Variants in CRIM1 observed in about 807,000 individuals in gnomAD.
CRIM1 encodes the protein cysteine rich transmembrane BMP regulator 1.
CRIM1 carries 32 observed loss-of-function variants against 116.4 expected under a neutral mutation model. The ratio of observed to expected loss-of-function variants is 0.27; its 90% CI spans 0.21 to 0.37. The LOEUF is 0.37. CRIM1 is among the 10% of genes least tolerant of loss of function. The probability of loss-of-function intolerance (pLI) is 1.00; values close to 1 mark genes in which losing one functional copy is unlikely to be tolerated. For synonymous variants in CRIM1, 590 were observed against 509.2 expected (o/e 1.16, Z -2.13); for missense variants, 1,331 against 1,354.8 (o/e 0.98, Z 0.28).
chr2:36,520,745 A>C (rs1339652505), intron 12 of CRIM1, among the ~76,000 whole-genome samples: 1 of 152,188 alleles, frequency 6.6e-6, no homozygotes, highest in African/African-American at 2.4e-5. Flanking sequence ...TTGGTCCTCA[A>C]AAAGGCCCTT....
At chr2:36,512,760 G>A (rs188819653) in intron 10 of CRIM1, among the ~76,000 whole-genome samples, 43 of 152,186 alleles carry the variant, frequency 2.8e-4, no homozygotes, top group African/African-American at 9.9e-4. Flanking sequence ...CCATTTCAAA[G>A]TTCTAGAGGG....
At chr2:36,470,976 T>A (rs924576354) in intron 5 of CRIM1, among the ~76,000 whole-genome samples, 8 of 152,086 alleles carry the variant, frequency 5.3e-5, no homozygotes, top group Non-Finnish European at 7.4e-5. Flanking sequence ...CCAACCCTCA[T>A]GAATGACTTT....
At chr2:36,454,843 A>C (rs1229926298) in intron 4 of CRIM1, among the ~76,000 whole-genome samples, 1 of 152,124 alleles carries the variant, frequency 6.6e-6, no homozygotes, top group Non-Finnish European at 1.5e-5. Flanking sequence ...CTACTCTTCT[A>C]GGATTCCTGC....
chr2:36,428,814 CTTG>C (rs1181376788), intron 2 of CRIM1, among the ~76,000 whole-genome samples: 1 of 152,136 alleles, frequency 6.6e-6, no homozygotes, highest in Non-Finnish European at 1.5e-5. Context: ...TCTTAGGAAA[CTTG>C]TTGCAGAAGT....
intron 2 of CRIM1, among the ~76,000 whole-genome samples, chr2:36,433,003 C>T (rs1245505490): frequency 1.3e-5 from 2 of 152,032 alleles, no homozygotes; most frequent in South Asian, 2.1e-4. Flanking sequence ...CCCAGATTAC[C>T]GAGCCCCACT....
At chr2:36,548,090 TA>T (rs148536757) in intron 16 of CRIM1, among the ~76,000 whole-genome samples, 1,634 of 152,262 alleles carry the variant, frequency 0.011, 29 homozygotes, top group African/African-American at 0.037. Flanking sequence ...GACCCGCTCA[TA>T]AAGTGTATGG....
At chr2:36,437,172 G>T (rs146083585) in intron 2 of CRIM1, among the ~76,000 whole-genome samples, 1 of 152,166 alleles carries the variant, frequency 6.6e-6, no homozygotes, top group Non-Finnish European at 1.5e-5. Flanking sequence ...TCAGGAGATC[G>T]AGACCATCCT....
At chr2:36,486,408 A>G (rs1679820492) in intron 7 of CRIM1, among the ~76,000 whole-genome samples, 1 of 152,160 alleles carries the variant, frequency 6.6e-6, no homozygotes, top group African/African-American at 2.4e-5. Context: ...TTTGTACTTG[A>G]TTTTGAGTAA....
At chr2:36,482,603 G>A (rs1679504207) in intron 7 of CRIM1, among the ~76,000 whole-genome samples, 1 of 152,184 alleles carries the variant, frequency 6.6e-6, no homozygotes, top group Non-Finnish European at 1.5e-5. Flanking sequence ...GTGTTAATGT[G>A]CAATAAATAA....
chr2:36,422,027 G>A (rs1674105488), intron 2 of CRIM1, among the ~76,000 whole-genome samples: 1 of 151,602 alleles, frequency 6.6e-6, no homozygotes, highest in Non-Finnish European at 1.5e-5. Context: ...AGGCACTGAG[G>A]CAGATTTTAT....
At chr2:36,537,322 G>A (rs377231747) in intron 13 of CRIM1, 30 bp from the exon 14 acceptor site, 66 of 1,603,812 alleles carry the variant, frequency 4.1e-5, no homozygotes, top group South Asian at 4.4e-5. Context: ...TCACATCAGC[G>A]ACTCCATCAT....
At chr2:36,468,786 G>T (rs773705736) in intron 5 of CRIM1, among the ~76,000 whole-genome samples, 1 of 152,084 alleles carries the variant, frequency 6.6e-6, no homozygotes, top group African/African-American at 2.4e-5. Context: ...CCCACCTCTC[G>T]TTCCTGGAGG....
intron 1 of CRIM1, among the ~76,000 whole-genome samples, chr2:36,370,647 T>C (rs1193664242): frequency 1.3e-5 from 2 of 152,196 alleles, no homozygotes; most frequent in Non-Finnish European, 2.9e-5. Flanking sequence ...TGTGTGAATA[T>C]GTAAGTGAAT....
intron 4 of CRIM1, among the ~76,000 whole-genome samples, chr2:36,445,814 A>C (rs1279899501): frequency 6.6e-6 from 1 of 152,210 alleles, no homozygotes; most frequent in Non-Finnish European, 1.5e-5. Context: ...TGTAATAATA[A>C]TGGTAGTATT....
chr2:36,481,603 G>T (rs1679422946), intron 7 of CRIM1, among the ~76,000 whole-genome samples: 1 of 152,228 alleles, frequency 6.6e-6, no homozygotes, highest in South Asian at 2.1e-4. Context: ...GTATGGTGGG[G>T]TAAGTGCATC....
intron 15 of CRIM1, among the ~76,000 whole-genome samples, chr2:36,546,725 C>T (rs848603): frequency 0.34 from 51,129 of 149,132 alleles, 9,076 homozygotes; most frequent in South Asian, 0.5. Context: ...TAGCTAGAGC[C>T]GGCATCATCT....
chr2:36,484,586 G>A (rs751012657), intron 7 of CRIM1, among the ~76,000 whole-genome samples: 48 of 152,272 alleles, frequency 3.2e-4, no homozygotes, highest in Non-Finnish European at 5.6e-4. Flanking sequence ...AGAGATTAGA[G>A]CTTCCTGGGG....
rs1668833817 is a variant in CRIM1 at position 36,356,701 on chromosome 2, G to A, written c.331+78G>A. On this transcript the variant is annotated intron_variant, in intron 1 of 16. Coordinates refer to ENST00000280527, the MANE Select transcript of CRIM1 (RefSeq NM_016441.3). This position sits in a 1 kb window ranked among gnomAD's most constrained non-coding sequence, Gnocchi z 4.3. ...GCGCTGGTTGTGCCGAACAAAGTTT[G>A]GGCGAGACTTTCTGGAGGAAAGAGG... is the stretch of plus-strand genomic sequence containing the variant. 1 of 1,410,316 alleles carries A rather than the reference G, an allele frequency of 7.1e-7. No homozygotes were observed. The highest frequency in any genetic ancestry group is 9.6e-7 in the Non-Finnish European group (1 of 1,045,794). 87.4% of individuals were successfully genotyped at this position (1,410,316 alleles called of 1,614,324 possible). A position where few individuals can be genotyped will look rare whatever the true frequency, so the allele number is the denominator to read the frequency against.
intron 1 of CRIM1, chr2:36,378,480 G>C: frequency 4.3e-6 from 2 of 462,286 alleles, no homozygotes; most frequent in Middle Eastern, 6.9e-4. Flanking sequence ...ATTCTGAGGT[G>C]CCTGGGCCAT....
Sources: allele counts gnomAD v4.1 joint callset (sites outside exome capture counted in the v4.1 genomes callset), GRCh38; gene constraint gnomAD v4.1.1; non-coding constraint Gnocchi (gnomAD v3.1); transcripts MANE v1.5; gene names NCBI Gene and HGNC (gene_info 2026-07-23, HGNC 2026-07-21).